Variants in TYW1B observed in about 807,000 individuals in gnomAD.
TYW1B encodes the protein S-adenosyl-L-methionine-dependent tRNA 4-demethylwyosine synthase TYW1B.
A neutral mutation model predicts 86.9 loss-of-function variants in TYW1B; 73 were observed. The observed-to-expected ratio is 0.84, with a 90% CI of 0.70 to 1.02. TYW1B has a LOEUF of 1.02. TYW1B is among the 50% of genes least tolerant of loss of function. The pLI, the probability that TYW1B is intolerant of heterozygous loss-of-function variation, is 0.00. For synonymous variants in TYW1B, 248 were observed against 292.8 expected (o/e 0.85, Z 1.56); for missense variants, 637 against 827.4 (o/e 0.77, Z 2.82).
At chr7:72,650,488 A>C (rs1813033115) in intron 11 of TYW1B, among the ~76,000 whole-genome samples, 2 of 152,184 alleles carry the variant, frequency 1.3e-5, no homozygotes, top group African/African-American at 2.4e-5. Flanking sequence ...GATGCCAAAA[A>C]TTAAGCCTTC....
At chr7:72,748,485 A>G (rs1766174473) in intron 7 of TYW1B, among the ~76,000 whole-genome samples, 1 of 147,750 alleles carries the variant, frequency 6.8e-6, no homozygotes, top group African/African-American at 2.5e-5. Context: ...AATTTACAAT[A>G]CTATGTAAAA....
chr7:72,622,340 T>C (rs1812238298), intron 12 of TYW1B, among the ~76,000 whole-genome samples: 1 of 152,206 alleles, frequency 6.6e-6, no homozygotes, highest in African/African-American at 2.4e-5. Context: ...ATTGATTTCG[T>C]TTAAATAAAT....
At chr7:72,634,883 G>A (rs1812629950) in intron 11 of TYW1B, among the ~76,000 whole-genome samples, 1 of 152,090 alleles carries the variant, frequency 6.6e-6, no homozygotes, top group African/African-American at 2.4e-5. Context: ...TTGCTGGAAA[G>A]AAAAGCTCTG....
chr7:72,657,654 T>C (rs1554443864), intron 11 of TYW1B, among the ~76,000 whole-genome samples: 1 of 152,160 alleles, frequency 6.6e-6, no homozygotes, highest in East Asian at 1.9e-4. Context: ...AGCAGAACCC[T>C]TATAGAACAG....
intron 11 of TYW1B, among the ~76,000 whole-genome samples, chr7:72,674,534 T>C (rs1554446984): frequency 6.6e-6 from 1 of 151,940 alleles, no homozygotes; most frequent in Non-Finnish European, 1.5e-5. Flanking sequence ...TACACACCAA[T>C]CTTTCCATAT....
chr7:72,801,762 T>C (rs1335346879), intron 6 of TYW1B, among the ~76,000 whole-genome samples: 1 of 152,196 alleles, frequency 6.6e-6, no homozygotes, highest in Non-Finnish European at 1.5e-5. Context: ...TGGTATTTCC[T>C]GGATTCCTAG....
intron 13 of TYW1B, among the ~76,000 whole-genome samples, chr7:72,588,164 G>A (rs1466670395): frequency 8.5e-5 from 13 of 152,206 alleles, no homozygotes; most frequent in African/African-American, 1.7e-4. Flanking sequence ...ACAGTTGCCC[G>A]TGGAACCATT....
At chr7:72,667,019 G>A (rs1223001254) in intron 11 of TYW1B, among the ~76,000 whole-genome samples, 3 of 89,674 alleles carry the variant, frequency 3.3e-5, no homozygotes, top group Non-Finnish European at 6.0e-5. Flanking sequence ...GAGAGAGAGC[G>A]AGACTCCGTC....
chr7:72,764,759 C>CT (rs1265502900), intron 7 of TYW1B, among the ~76,000 whole-genome samples: 2 of 152,144 alleles, frequency 1.3e-5, no homozygotes, highest in Non-Finnish European at 2.9e-5. Context: ...TCAAGCAAAA[C>CT]TAAAATTTAA....
intron 4 of TYW1B, 102 bp from the exon 5 acceptor site, chr7:72,807,458 G>A: frequency 6.9e-7 from 1 of 1,442,004 alleles, no homozygotes; most frequent in Non-Finnish European, 9.3e-7. Flanking sequence ...CCCTGGTCAT[G>A]GGCTACCACT....
At position 72,575,272 on chromosome 7, in the gene TYW1B, G is replaced by T; in HGVS notation, c.*226C>A. The T allele has an allele frequency of 2.2e-6, 3 of 1,368,962 alleles. No homozygotes were observed. The South Asian group carries it at 5.3e-5, about 24-fold the overall frequency. The allele number at this position is 1,368,962 out of a possible 1,614,324, so 84.8% of individuals were successfully genotyped here. On this transcript the variant is annotated 3_prime_UTR_variant, in exon 14 of 14. Transcript: ENST00000620995. The stretch of plus-strand genomic sequence containing the variant: ...CCCCAAAATAATTTTCCTCTTAGAA[G>T]TAAAATCAGGAAAGGGGCTGAGTTC...
chr7:72,579,355 C>T (rs1811096369), intron 13 of TYW1B, among the ~76,000 whole-genome samples: 2 of 152,200 alleles, frequency 1.3e-5, no homozygotes, highest in South Asian at 4.1e-4. Context: ...ACTGACTGCT[C>T]TGATTCCCAA....
In TYW1B at chr7:72,604,964, T is replaced by C. The variant is rs542194004; in HGVS notation, c.1785+11708A>G. Among the ~76,000 whole-genome samples the C allele has an allele frequency of 9.2e-5, 14 of 152,356 alleles. No individual in the cohort carries two copies. In the South Asian group the frequency reaches 1.0e-3, roughly 11 times the overall value. The stretch of plus-strand genomic sequence containing the variant: ...GCAAAAGTAATTGTGGTCTTTGCCA[T>C]TGAGTCATACTTACTATCCTAGCCG... On this transcript the variant is annotated intron_variant, in intron 13 of 13. Transcript: ENST00000620995.
chr7:72,790,320 C>A (rs1250435665), intron 6 of TYW1B, among the ~76,000 whole-genome samples: 2 of 152,000 alleles, frequency 1.3e-5, no homozygotes, highest in Non-Finnish European at 2.9e-5. Context: ...TGTCTCATGG[C>A]GGACCCATAG....
chr7:72,691,220 A>T (rs1300555025), intron 11 of TYW1B, among the ~76,000 whole-genome samples: 6 of 152,214 alleles, frequency 3.9e-5, no homozygotes, highest in African/African-American at 1.2e-4. Flanking sequence ...TTAAAGGAAA[A>T]GTTTTAAGAG....
intron 9 of TYW1B, among the ~76,000 whole-genome samples, chr7:72,721,624 GCACACA>G (rs149471740): frequency 6.6e-6 from 1 of 150,514 alleles, no homozygotes; most frequent in Non-Finnish European, 1.5e-5. Flanking sequence ...ACACACACAT[GCACACA>G]CACACACGCA....
intron 10 of TYW1B, among the ~76,000 whole-genome samples, chr7:72,708,509 T>C (rs1585918991): frequency 6.6e-6 from 1 of 152,160 alleles, no homozygotes; most frequent in South Asian, 2.1e-4. Flanking sequence ...GCTCAGCAAA[T>C]AGCTGAACTT....
At chr7:72,650,734 G>C (rs1251867627) in intron 11 of TYW1B, among the ~76,000 whole-genome samples, 1 of 152,248 alleles carries the variant, frequency 6.6e-6, no homozygotes, top group East Asian at 1.9e-4. Context: ...ACCTACTCAA[G>C]ATGAGCCTGT....
intron 7 of TYW1B, among the ~76,000 whole-genome samples, chr7:72,765,836 T>C (rs1275639520): frequency 3.9e-5 from 6 of 152,290 alleles, no homozygotes; most frequent in African/African-American, 9.6e-5. Context: ...TTCACCCAAC[T>C]GCCCAATGTC....
Sources: gnomAD v4.1 joint callset for allele counts (sites outside exome capture counted in the v4.1 genomes callset) on GRCh38, gnomAD v4.1.1 for gene constraint, MANE v1.5 for transcripts, NCBI Gene and HGNC (gene_info 2026-07-23, HGNC 2026-07-21) for gene names.